Variants in DAB1 observed in about 807,000 individuals in gnomAD.
DAB1 encodes disabled homolog 1.
Under a neutral mutation model 64.6 loss-of-function variants are expected in DAB1, and 15 were observed. That is an observed-to-expected ratio of 0.23 (90% CI 0.16 to 0.36). DAB1 has a LOEUF of 0.36. Among genes scored for constraint, DAB1 ranks in the 10% least tolerant of loss-of-function variants. The pLI, the probability that DAB1 is intolerant of heterozygous loss-of-function variation, is 1.00. For missense variants in DAB1, 596 were observed against 706.7 expected (o/e 0.84, Z 1.78); for synonymous variants, 235 against 251.9 (o/e 0.93, Z 0.64).
In DAB1 at chr1:57,023,746, T is replaced by C. The variant is rs548129097; in HGVS notation, c.787-107A>G. 2.9e-5 allele frequency: 21 copies of C among 713,844 alleles called. No homozygotes were observed. In the East Asian group the frequency reaches 5.7e-4, roughly 19 times the overall value. The allele number at this position is 713,844 out of a possible 1,614,324, so 44.2% of individuals were successfully genotyped here. On this transcript the variant is annotated intron_variant, in intron 10 of 14. Coordinates refer to ENST00000371236, the MANE Select transcript of DAB1 (RefSeq NM_001365792.1). Reference sequence around the variant, plus strand: ...AAGGCGCAGGGGAAGGGGTCCACAGTTCAAGCCACTTATGGGGTGTGCAGC... The same window carrying C: ...AAGGCGCAGGGGAAGGGGTCCACAGCTCAAGCCACTTATGGGGTGTGCAGC...
intron 7 of DAB1, among the ~76,000 whole-genome samples, chr1:57,564,432 T>A (rs749828014): frequency 6.6e-6 from 1 of 152,114 alleles, no homozygotes; most frequent in Non-Finnish European, 1.5e-5. Flanking sequence ...CAAAGCTGGA[T>A]GGAAAATGAC....
intron 5 of DAB1, among the ~76,000 whole-genome samples, chr1:58,093,659 AC>A (rs1425327146): frequency 6.6e-6 from 1 of 151,796 alleles, no homozygotes; most frequent in Non-Finnish European, 1.5e-5. Flanking sequence ...AAGGTTGGGG[AC>A]CACCAGTTTA....
upstream of DAB1, among the ~76,000 whole-genome samples, chr1:57,885,213 T>TTA (rs952431115): frequency 3.3e-5 from 5 of 152,228 alleles, no homozygotes; most frequent in Non-Finnish European, 7.3e-5. Context: ...CTTTTAGTTT[T>TTA]TATATATACT....
chr1:57,700,883 T>A (rs1179019990), intron 6 of DAB1, among the ~76,000 whole-genome samples: 1 of 152,180 alleles, frequency 6.6e-6, no homozygotes, highest in Non-Finnish European at 1.5e-5. Context: ...TCTGCTTTCT[T>A]TTTTTCCTCT....
At chr1:58,408,085 G>A (rs1189387349) in intron 3 of DAB1, among the ~76,000 whole-genome samples, 1 of 152,070 alleles carries the variant, frequency 6.6e-6, no homozygotes, top group Non-Finnish European at 1.5e-5. Context: ...AGTTAGACAT[G>A]CATTTCTCCA....
chr1:57,283,515 T>G lies in DAB1; in HGVS notation c.67+7449A>C, dbSNP rs61767385. ...TAGGTTTTTTATACTTGTGAACTCA[T>G]GGAATCCTCACTGCAACACTCTAAG... On this transcript the variant is annotated intron_variant, in intron 2 of 14. Coordinates refer to ENST00000371236, the MANE Select transcript of DAB1 (RefSeq NM_001365792.1). 8.2e-3 allele frequency among the ~76,000 whole-genome samples: 1,243 copies of G among 152,304 alleles called. 32 individuals carry two copies. The highest frequency in any genetic ancestry group is 0.08 in the East Asian group (413 of 5,172).
intron 2 of DAB1, among the ~76,000 whole-genome samples, chr1:57,203,705 A>C (rs1665294389): frequency 6.6e-6 from 1 of 152,134 alleles, no homozygotes; most frequent in Non-Finnish European, 1.5e-5. Flanking sequence ...TCTGCACTGG[A>C]CTGCATTGTC....
At chr1:57,319,104 T>C (rs1675467247) in intron 1 of DAB1, among the ~76,000 whole-genome samples, 1 of 152,228 alleles carries the variant, frequency 6.6e-6, no homozygotes, top group Non-Finnish European at 1.5e-5. Flanking sequence ...GCAGATCTTA[T>C]TGAACCACCT....
chr1:58,162,261 C>T (rs1254451974), intron 4 of DAB1, among the ~76,000 whole-genome samples: 1 of 152,124 alleles, frequency 6.6e-6, no homozygotes, highest in Non-Finnish European at 1.5e-5. Context: ...ACCTCTGCAC[C>T]CAGGTATATG....
At chr1:57,455,736 A>C (rs909671531) in intron 7 of DAB1, among the ~76,000 whole-genome samples, 15 of 152,248 alleles carry the variant, frequency 9.9e-5, no homozygotes, top group Non-Finnish European at 1.8e-4. Context: ...CCACATCACC[A>C]AGCTGCATCA....
At chr1:58,420,767 G>A (rs775250706) in intron 3 of DAB1, among the ~76,000 whole-genome samples, 11 of 152,068 alleles carry the variant, frequency 7.2e-5, no homozygotes, top group South Asian at 6.2e-4. Flanking sequence ...AGAGCAGATG[G>A]TCATTTTCTT....
chr1:57,511,014 C>T (rs1644399262), intron 7 of DAB1, among the ~76,000 whole-genome samples: 1 of 152,216 alleles, frequency 6.6e-6, no homozygotes, highest in Non-Finnish European at 1.5e-5. Flanking sequence ...GTCTCCCTCT[C>T]TATTAGACCA....
At chr1:58,372,585 A>G (rs1237068341) in intron 3 of DAB1, among the ~76,000 whole-genome samples, 1 of 152,140 alleles carries the variant, frequency 6.6e-6, no homozygotes, top group Admixed American at 6.5e-5. Flanking sequence ...TGAGATTTGG[A>G]AGAAGCCAGG....
intron 5 of DAB1, among the ~76,000 whole-genome samples, chr1:58,070,309 G>T (rs1649152894): frequency 6.6e-6 from 1 of 152,238 alleles, no homozygotes. Context: ...GAATTGGGCA[G>T]TTGTGGAGCA....
At chr1:57,832,941 C>T (rs575980480) in intron 1 of DAB1, among the ~76,000 whole-genome samples, 2 of 152,002 alleles carry the variant, frequency 1.3e-5, no homozygotes, top group South Asian at 4.2e-4. Flanking sequence ...TTCTTCTTTT[C>T]CTTCTCCATC....
chr1:58,110,077 G>A (rs1234806666), intron 5 of DAB1, among the ~76,000 whole-genome samples: 1 of 152,178 alleles, frequency 6.6e-6, no homozygotes, highest in Non-Finnish European at 1.5e-5. Context: ...GTGTCCTTAA[G>A]GATTGTTGGT....
At chr1:57,614,909 C>T (rs1160691154) in intron 7 of DAB1, among the ~76,000 whole-genome samples, 1 of 135,520 alleles carries the variant, frequency 7.4e-6, no homozygotes, top group Non-Finnish European at 1.5e-5. Flanking sequence ...CTCGCTCTGT[C>T]GCCCAGGCTA....
At chr1:58,225,622 C>A (rs990810188) in intron 4 of DAB1, among the ~76,000 whole-genome samples, 1 of 145,342 alleles carries the variant, frequency 6.9e-6, no homozygotes, top group South Asian at 2.2e-4. Flanking sequence ...TCAGGGAATA[C>A]TATGCAGCCA....
At chr1:57,293,439 AG>A (rs1169624669) in intron 1 of DAB1, among the ~76,000 whole-genome samples, 1 of 152,174 alleles carries the variant, frequency 6.6e-6, no homozygotes, top group Non-Finnish European at 1.5e-5. Flanking sequence ...TGGGGATAAT[AG>A]TGCCCACTGG....
Sources: gnomAD v4.1 joint callset for allele counts (sites outside exome capture counted in the v4.1 genomes callset) on GRCh38, gnomAD v4.1.1 for gene constraint, MANE v1.5 for transcripts, NCBI Gene and HGNC (gene_info 2026-07-23, HGNC 2026-07-21) for gene names.